PDS5B: variants seen among roughly 807,000 people sequenced by gnomAD.
PDS5B encodes the protein PDS5 cohesin associated factor B, also known as sister chromatid cohesion protein PDS5 homolog B.
PDS5B carries 51 observed loss-of-function variants against 184.1 expected under a neutral mutation model. The ratio of observed to expected loss-of-function variants is 0.28; its 90% CI spans 0.22 to 0.35. The LOEUF (loss-of-function observed/expected upper bound fraction) is 0.35. PDS5B is among the 10% of genes least tolerant of loss of function. The probability of loss-of-function intolerance (pLI) is 1.00; values close to 1 mark genes in which losing one functional copy is unlikely to be tolerated. For synonymous variants in PDS5B, 566 were observed against 569.2 expected (o/e 0.99, Z 0.08); for missense variants, 1,180 against 1,723.3 (o/e 0.68, Z 5.58).
chr13:32,600,710 G>C (rs2057960893), intron 1 of PDS5B, among the ~76,000 whole-genome samples: 1 of 152,242 alleles, frequency 6.6e-6, no homozygotes, highest in Non-Finnish European at 1.5e-5. Flanking sequence ...CTGCACTCCA[G>C]CCTGGGCAAC....
At chr13:32,604,598 A>G (rs1288018694) in intron 1 of PDS5B, among the ~76,000 whole-genome samples, 2 of 152,222 alleles carry the variant, frequency 1.3e-5, no homozygotes, top group African/African-American at 4.8e-5. Context: ...AAAATGAGTT[A>G]GGGAGGATTC....
intron 34 of PDS5B, among the ~76,000 whole-genome samples, chr13:32,774,210 CTTTG>C (rs973767504): frequency 1.3e-5 from 2 of 152,198 alleles, no homozygotes; most frequent in African/African-American, 2.4e-5. Flanking sequence ...CTTCTCCTAT[CTTTG>C]TTTGAGAAAC....
intron 1 of PDS5B, among the ~76,000 whole-genome samples, chr13:32,642,987 T>G (rs984616250): frequency 6.6e-6 from 1 of 152,178 alleles, no homozygotes; most frequent in African/African-American, 2.4e-5. Flanking sequence ...TGCTGTTGTG[T>G]TCTGCATATG....
Position 32,738,483 on chromosome 13 carries a change from T to C in PDS5B, c.2407-2597T>C, listed in dbSNP as rs370521691. Among the ~76,000 whole-genome samples, 20 of 152,296 alleles carry C rather than the reference T, an allele frequency of 1.3e-4. No homozygotes were observed. The East Asian group carries it at 3.7e-3, about 28-fold the overall frequency. On this transcript the variant is annotated intron_variant, in intron 21 of 34. Transcript: ENST00000315596. Reference sequence around the variant, plus strand: ...TAGTCACCATTCATGTTGCCTACTTTCTGAAATTCCCTTTTGATGTATTTT... The same window carrying C: ...TAGTCACCATTCATGTTGCCTACTTCCTGAAATTCCCTTTTGATGTATTTT...
chr13:32,720,898 G>A (rs995017116), intron 19 of PDS5B, among the ~76,000 whole-genome samples: 3 of 152,138 alleles, frequency 2.0e-5, no homozygotes, highest in Non-Finnish European at 2.9e-5. Context: ...ATCTTGCACC[G>A]CCCTTAATCC....
intron 1 of PDS5B, among the ~76,000 whole-genome samples, chr13:32,602,089 C>G (rs574831457): frequency 2.6e-4 from 39 of 150,790 alleles, no homozygotes; most frequent in Non-Finnish European, 1.8e-4. Flanking sequence ...TTTTTAAATC[C>G]TTGTCTTTTT....
At chr13:32,586,900 C>T (rs1393493310) in intron 1 of PDS5B, among the ~76,000 whole-genome samples, 1 of 140,442 alleles carries the variant, frequency 7.1e-6, no homozygotes, top group Non-Finnish European at 1.6e-5. Context: ...TTAAACTTGC[C>T]GCTCTGATCC....
At chr13:32,643,630 G>A (rs1950153273) in intron 1 of PDS5B, among the ~76,000 whole-genome samples, 1 of 151,808 alleles carries the variant, frequency 6.6e-6, no homozygotes, top group South Asian at 2.1e-4. Context: ...TCTATGTTTA[G>A]ATACATTTAG....
At chr13:32,726,149 T>TA (rs58034166) in intron 19 of PDS5B, among the ~76,000 whole-genome samples, 64 of 141,228 alleles carry the variant, frequency 4.5e-4, no homozygotes, top group South Asian at 1.1e-3. Flanking sequence ...TAGATAAACT[T>TA]AAAAAAAAAA....
chr13:32,662,106 C>T (rs923053234), intron 6 of PDS5B, among the ~76,000 whole-genome samples: 1 of 152,036 alleles, frequency 6.6e-6, no homozygotes, highest in African/African-American at 2.4e-5. Context: ...ATAAAACACA[C>T]TCACAAAAGG....
At chr13:32,622,504 G>A (rs979956617) in intron 1 of PDS5B, among the ~76,000 whole-genome samples, 3 of 152,158 alleles carry the variant, frequency 2.0e-5, no homozygotes, top group Admixed American at 6.5e-5. Context: ...TGAAAAGACT[G>A]TGTAAGGGTA....
At chr13:32,679,396 G>T (rs1163574298) in intron 10 of PDS5B, among the ~76,000 whole-genome samples, 2 of 152,094 alleles carry the variant, frequency 1.3e-5, no homozygotes, top group Non-Finnish European at 2.9e-5. Context: ...TTCAGGCCGA[G>T]CACAGGCCAA....
chr13:32,756,803 A>G (rs1328988199), intron 26 of PDS5B, among the ~76,000 whole-genome samples: 1 of 152,088 alleles, frequency 6.6e-6, no homozygotes, highest in Non-Finnish European at 1.5e-5. Context: ...TTTTTTTCCC[A>G]CTGCAGTTTC....
chr13:32,761,796 A>G (rs1038244795), intron 30 of PDS5B, among the ~76,000 whole-genome samples: 3 of 152,060 alleles, frequency 2.0e-5, no homozygotes, highest in Non-Finnish European at 4.4e-5. Flanking sequence ...TGGTGTAATG[A>G]TCTATTTGCA....
intron 21 of PDS5B, among the ~76,000 whole-genome samples, chr13:32,739,853 C>T (rs564720329): frequency 1.3e-5 from 2 of 151,980 alleles, no homozygotes; most frequent in Admixed American, 6.6e-5. Flanking sequence ...TATATTTTTC[C>T]ATCCCATAAT....
chr13:32,648,001 T>G (rs1349302200), intron 1 of PDS5B, among the ~76,000 whole-genome samples: 1 of 152,172 alleles, frequency 6.6e-6, no homozygotes, highest in Non-Finnish European at 1.5e-5. Context: ...GTTCATGTTT[T>G]GAGATTCTCT....
intron 1 of PDS5B, among the ~76,000 whole-genome samples, chr13:32,632,241 C>A (rs1383485234): frequency 6.6e-6 from 1 of 151,990 alleles, no homozygotes; most frequent in Non-Finnish European, 1.5e-5. Flanking sequence ...GAAAACACAA[C>A]CTACAGAAGA....
intron 19 of PDS5B, among the ~76,000 whole-genome samples, chr13:32,723,419 A>G (rs1952785850): frequency 7.9e-6 from 1 of 126,846 alleles, no homozygotes; most frequent in Non-Finnish European, 1.9e-5. Context: ...TATCAAGGAA[A>G]AAACTTGAAC....
chr13:32,623,930 G>GCCT lies in PDS5B; in HGVS notation c.-19-24820_-19-24818dup, dbSNP rs1213071868. The stretch of plus-strand genomic sequence containing the variant: ...GGGTTCAAGTGATTTTCCTGCCTTA[G>GCCT]CCTCCTGAGTAGCTGGGAAGACAGG... On this transcript the variant is annotated intron_variant, in intron 1 of 34. Transcript: ENST00000315596. Among the ~76,000 whole-genome samples the GCCT allele has an allele frequency of 4.6e-5, 7 of 152,054 alleles. No homozygotes were observed. The East Asian group carries it at 1.2e-3, about 25-fold the overall frequency.
Sources: allele counts gnomAD v4.1 joint callset (sites outside exome capture counted in the v4.1 genomes callset), GRCh38; gene constraint gnomAD v4.1.1; transcripts MANE v1.5; gene names NCBI Gene and HGNC (gene_info 2026-07-23, HGNC 2026-07-21).